SLC6A9: variants seen among roughly 807,000 people sequenced by gnomAD.
SLC6A9 encodes solute carrier family 6 member 9.
Under a neutral mutation model 70.9 loss-of-function variants are expected in SLC6A9, and 31 were observed. The ratio of observed to expected loss-of-function variants is 0.44; its 90% CI spans 0.33 to 0.59. The LOEUF (loss-of-function observed/expected upper bound fraction) is 0.59, where lower values mean the gene tolerates loss of function less well. SLC6A9 is among the 20% of genes least tolerant of loss of function. SLC6A9 has a pLI of 0.04. For synonymous variants in SLC6A9, 310 were observed against 341.3 expected (o/e 0.91, Z 1.01); for missense variants, 631 against 845.2 (o/e 0.75, Z 3.14).
intron 2 of SLC6A9, among the ~76,000 whole-genome samples, chr1:44,012,392 C>A (rs754849963): frequency 6.6e-6 from 1 of 152,232 alleles, no homozygotes; most frequent in Non-Finnish European, 1.5e-5. Context: ...GCTCTCAATC[C>A]AGCATCGACC....
intron 5 of SLC6A9, among the ~76,000 whole-genome samples, chr1:44,007,669 C>T (rs541349538): frequency 3.3e-4 from 51 of 152,324 alleles, no homozygotes; most frequent in African/African-American, 1.2e-3. Flanking sequence ...TGCATTCTCC[C>T]CACACCTGTT....
chr1:44,001,696 C>T (rs1015571961), intron 8 of SLC6A9, 69 bp from the exon 9 acceptor site: 100 of 1,249,182 alleles, frequency 8.0e-5, no homozygotes, highest in Non-Finnish European at 1.0e-4. Flanking sequence ...CATGGAGACA[C>T]GGAAAGTTCT....
chr1:44,030,862 G>T (rs2087099997), intron 1 of SLC6A9, among the ~76,000 whole-genome samples: 2 of 152,248 alleles, frequency 1.3e-5, no homozygotes, highest in South Asian at 4.1e-4. Flanking sequence ...AGGCACGGCC[G>T]ACTGTCGACC....
chr1:44,010,826 G>A lies in SLC6A9; in HGVS notation c.87C>T (p.Asn29=). The A allele has an allele frequency of 6.2e-7, 1 of 1,614,214 alleles. No homozygotes were observed. Among genetic ancestry groups the A allele is most frequent in the South Asian group, 1.1e-5 (1 of 91,082 alleles). The change falls in exon 3 of 14, where the codon AAC becomes AAT. Residue 29 remains asparagine (N), a synonymous_variant. Coordinates refer to ENST00000372310, the MANE Select transcript of SLC6A9 (RefSeq NM_001024845.3). ...GTACAAACTCGATCTGGTTGCCCCA[G>A]TTGCCCCGTTTGAGGTTCTGGTCCC... ...TKRDQNLKRG[N]WGNQIEFVLT...
rs369000035 is a variant in SLC6A9, at chr1:44,017,079, G to C, written c.31-6197C>G. On this transcript the variant is annotated intron_variant, in intron 2 of 13. Transcript: ENST00000372310. The stretch of plus-strand genomic sequence containing the variant: ...GGGGAAGAGGGGGCCACAGGTCCAT[G>C]AGCCGCGGCCATCCTGGGGCGAGCG... The C allele has an allele frequency of 2.5e-6, 4 of 1,603,640 alleles. No individual in the cohort carries two copies. In the South Asian group the frequency reaches 4.5e-5, roughly 18 times the overall value.
intron 1 of SLC6A9, among the ~76,000 whole-genome samples, chr1:44,024,648 TG>T (rs752843440): frequency 6.6e-6 from 1 of 152,208 alleles, no homozygotes; most frequent in Non-Finnish European, 1.5e-5. Context: ...AATACCAAAC[TG>T]GGATGGAGTC....
At chr1:44,003,990 T>C (rs2086220261) in intron 5 of SLC6A9, among the ~76,000 whole-genome samples, 1 of 151,524 alleles carries the variant, frequency 6.6e-6, no homozygotes, top group South Asian at 2.1e-4. Flanking sequence ...AACCATTTCT[T>C]GTTTGAAGGA....
chr1:44,001,717 G>A (rs1410475203), intron 8 of SLC6A9, 90 bp from the exon 9 acceptor site: 3 of 956,204 alleles, frequency 3.1e-6, no homozygotes, highest in Non-Finnish European at 4.9e-6. Context: ...AGGTACAAAG[G>A]CACCCCCAAC....
At chr1:44,026,429 C>T (rs898021570) in intron 1 of SLC6A9, among the ~76,000 whole-genome samples, 21 of 152,122 alleles carry the variant, frequency 1.4e-4, no homozygotes, top group Admixed American at 1.0e-3. Context: ...GAGGCCGAGG[C>T]GGGCGGATCA....
chr1:44,005,153 G>A (rs1442981246), intron 5 of SLC6A9, among the ~76,000 whole-genome samples: 1 of 152,228 alleles, frequency 6.6e-6, no homozygotes, highest in Non-Finnish European at 1.5e-5. Flanking sequence ...GGATTTGGGA[G>A]GAGTCTGTGT....
intron 4 of SLC6A9, 95 bp from the exon 5 acceptor site, chr1:44,008,718 T>C: frequency 3.9e-6 from 4 of 1,021,418 alleles, no homozygotes; most frequent in Non-Finnish European, 4.2e-6. Flanking sequence ...TTCTTTTTTT[T>C]TTTTTGAGAT....
At chr1:44,010,483 T>TAGAAA in intron 3 of SLC6A9, 1 of 290,150 alleles carries the variant, frequency 3.4e-6, no homozygotes, top group Non-Finnish European at 6.7e-6. Context: ...TAGGTCCTTT[T>TAGAAA]CTCACCTCTC....
chr1:43,999,437 C>T (rs1385086214), intron 12 of SLC6A9, among the ~76,000 whole-genome samples: 2 of 152,084 alleles, frequency 1.3e-5, no homozygotes, highest in East Asian at 4.0e-4. Flanking sequence ...TTCCTCCCCA[C>T]TGCCCTTGGC....
chr1:43,999,141 T>G (rs2085995520), intron 12 of SLC6A9, among the ~76,000 whole-genome samples: 1 of 152,030 alleles, frequency 6.6e-6, no homozygotes, highest in African/African-American at 2.4e-5. Flanking sequence ...ATGGAACAGA[T>G]CCTGACCTAC....
At chr1:44,030,934 T>C (rs1557700309) in intron 1 of SLC6A9, among the ~76,000 whole-genome samples, 1 of 152,006 alleles carries the variant, frequency 6.6e-6, no homozygotes, top group Non-Finnish European at 1.5e-5. Flanking sequence ...ACGCTCTGGC[T>C]CCGGCGCTAC....
chr1:44,031,020 C>T (rs1464377226), intron 1 of SLC6A9, among the ~76,000 whole-genome samples: 1 of 151,942 alleles, frequency 6.6e-6, no homozygotes, highest in Non-Finnish European at 1.5e-5. Context: ...AGGAGCTCCC[C>T]CCACTTCCCT....
intron 2 of SLC6A9, among the ~76,000 whole-genome samples, chr1:44,012,697 C>T (rs1027841976): frequency 2.6e-5 from 4 of 152,190 alleles, no homozygotes; most frequent in African/African-American, 9.7e-5. Context: ...AGGGTGACCA[C>T]AGAGGGGATC....
chr1:44,008,643 G>T lies in SLC6A9; in HGVS notation c.320-20C>A, dbSNP rs200666079. On this transcript the variant is annotated intron_variant, in intron 4 of 13. Coordinates refer to ENST00000372310, the MANE Select transcript of SLC6A9 (RefSeq NM_001024845.3). ...CCACTCCTGCAGGAGGGGAGGGGTG[G>T]GGGGAGGAGCCTCAGCATCCAGCAG... The T allele has an allele frequency of 4.4e-6, 7 of 1,607,554 alleles. No individual in the cohort carries two copies. Among genetic ancestry groups the T allele is most frequent in the Non-Finnish European group, 6.0e-6 (7 of 1,174,838 alleles).
At position 43,997,383 on chromosome 1, in the gene SLC6A9, A is replaced by AC; in HGVS notation, c.*161dup. 1 of 654,372 alleles carries AC rather than the reference A, an allele frequency of 1.5e-6. No individual in the cohort carries two copies. The highest frequency in any genetic ancestry group is 2.6e-5 in the Admixed American group (1 of 37,790). 40.5% of individuals were successfully genotyped at this position (654,372 alleles called of 1,614,324 possible). The stretch of plus-strand genomic sequence containing the variant: ...TCCAAAGGACATGTAAACACTGGGG[A>AC]CATGAGCATGAATGACTGCACTAGC... On this transcript the variant is annotated 3_prime_UTR_variant, in exon 14 of 14. Coordinates refer to ENST00000372310, the MANE Select transcript of SLC6A9 (RefSeq NM_001024845.3). This position sits in a 1 kb window ranked among gnomAD's most constrained non-coding sequence, Gnocchi z 4.4.
Sources: gnomAD v4.1 joint callset for allele counts (sites outside exome capture counted in the v4.1 genomes callset) on GRCh38, gnomAD v4.1.1 for gene constraint, Gnocchi (gnomAD v3.1) non-coding constraint, MANE v1.5 for transcripts, NCBI Gene and HGNC (gene_info 2026-07-23, HGNC 2026-07-21) for gene names.